DBX2: variants seen among roughly 807,000 people sequenced by gnomAD.
DBX2 encodes homeobox protein DBX2.
Under a neutral mutation model 17.7 loss-of-function variants are expected in DBX2, and 16 were observed. The ratio of observed to expected loss-of-function variants is 0.90; its 90% CI spans 0.61 to 1.37. The LOEUF (loss-of-function observed/expected upper bound fraction) is 1.37, where lower values mean the gene tolerates loss of function less well. DBX2 is among the 40% of genes most tolerant of loss of function. The pLI, the probability that DBX2 is intolerant of heterozygous loss-of-function variation, is 0.00. For missense variants in DBX2, 538 were observed against 433.8 expected, an observed-to-expected ratio of 1.24 and a Z score of -2.13; for synonymous variants, 255 against 183.8, an observed-to-expected ratio of 1.39 and a Z score of -3.13.
chr12:45,017,044 CA>C (rs1215145462), intron 3 of DBX2, among the ~76,000 whole-genome samples: 1 of 152,078 alleles, frequency 6.6e-6, no homozygotes, highest in African/African-American at 2.4e-5. Flanking sequence ...CCTTGGCCCC[CA>C]AAAGTGCTGA....
At position 45,015,812 on chromosome 12, in the gene DBX2, G is replaced by A. The variant is rs1310995314; in HGVS notation, c.*474C>T. The A allele has an allele frequency of 6.6e-6, 1 of 152,174 alleles. No homozygotes were observed. Among genetic ancestry groups the A allele is most frequent in the Non-Finnish European group, 1.5e-5 (1 of 68,088 alleles). 9.4% of individuals were successfully genotyped at this position (152,174 alleles called of 1,614,324 possible). A position where few individuals can be genotyped will look rare whatever the true frequency, so the allele number is the denominator to read the frequency against. On this transcript the variant is annotated 3_prime_UTR_variant, in exon 4 of 4. Coordinates refer to ENST00000332700, the MANE Select transcript of DBX2 (RefSeq NM_001004329.3). ...GAAAATAGAGAATTTTTAAAAACAT[G>A]TTTTTGGGGTATGAAAGTTTGCACT...
intron 3 of DBX2, among the ~76,000 whole-genome samples, chr12:45,022,298 G>GTTTTTTTTTTTTTTTTTTTTTTT (rs745546411): frequency 1.2e-5 from 1 of 82,518 alleles, no homozygotes; most frequent in Non-Finnish European, 2.1e-5. Context: ...AATAATAACT[G>GTTTTTTTTTTTTTTTTTTTTTTT]TTTTTTTTTT....
intron 2 of DBX2, among the ~76,000 whole-genome samples, chr12:45,034,434 A>G (rs1356257414): frequency 6.6e-6 from 1 of 152,226 alleles, no homozygotes; most frequent in Non-Finnish European, 1.5e-5. Context: ...AATTTGCACA[A>G]GAGTTTTCAA....
chr12:45,042,766 A>G (rs1163862150), intron 1 of DBX2, among the ~76,000 whole-genome samples: 1 of 152,194 alleles, frequency 6.6e-6, no homozygotes, highest in Non-Finnish European at 1.5e-5. Context: ...CAGTAACAAC[A>G]TGCTGTAGCA....
intron 3 of DBX2, among the ~76,000 whole-genome samples, chr12:45,022,273 A>G (rs967891640): frequency 1.1e-4 from 17 of 148,240 alleles, no homozygotes; most frequent in Admixed American, 1.0e-3. Flanking sequence ...CCTAGGGTCA[A>G]GGAGAGTTTA....
chr12:45,034,537 T>C (rs1946425054), intron 2 of DBX2, among the ~76,000 whole-genome samples: 1 of 152,220 alleles, frequency 6.6e-6, no homozygotes, highest in Admixed American at 6.5e-5. Flanking sequence ...TCTAGTTAAA[T>C]GGACAATTAA....
chr12:45,049,434 T>A (rs1002196879), intron 1 of DBX2, among the ~76,000 whole-genome samples: 4 of 152,214 alleles, frequency 2.6e-5, no homozygotes, highest in Non-Finnish European at 5.9e-5. Flanking sequence ...ACTAGGTGAA[T>A]GAGACCGGTG....
intron 1 of DBX2, among the ~76,000 whole-genome samples, chr12:45,041,190 AAAT>A (rs1452266201): frequency 2.0e-5 from 3 of 148,446 alleles, no homozygotes; most frequent in Non-Finnish European, 4.5e-5. Context: ...AATAATTAAT[AAAT>A]AATAAATTAA....
chr12:45,035,842 C>T (rs905167613), intron 2 of DBX2, among the ~76,000 whole-genome samples, 177 bp downstream of exon 2: 1 of 152,126 alleles, frequency 6.6e-6, no homozygotes, highest in Non-Finnish European at 1.5e-5. Context: ...CACAATTGCT[C>T]AGTGTGCTGA....
At position 45,050,983 on chromosome 12, in the gene DBX2, G is replaced by GCGCCC. The variant is rs1424088457; in HGVS notation, c.-61_-57dup. ...CGCCTTGCGCCCGCCTGTCGCCCGG[G>GCGCCC]CGCCCCGCACCGCACCCAGAGCCGC... On this transcript the variant is annotated 5_prime_UTR_variant, in exon 1 of 4. Transcript: ENST00000332700. The GCGCCC allele has an allele frequency of 1.0e-5, 14 of 1,349,388 alleles. No homozygotes were observed. The African/African-American group carries it at 2.2e-4, about 21-fold the overall frequency. The allele number at this position is 1,349,388 out of a possible 1,614,324, so 83.6% of individuals were successfully genotyped here. A position where few individuals can be genotyped will look rare whatever the true frequency, so the allele number is the denominator to read the frequency against.
Position 45,050,892 on chromosome 12 carries a change from C to T in DBX2, c.36G>A (p.Ala12=). The change falls in exon 1 of 4, where the codon GCG becomes GCA. Residue 12 remains alanine (A), a synonymous_variant. Transcript: ENST00000332700. ...LPSAVAAHAG[A]YWDVVASSAL... ...CGGAGGAAGCCACAACGTCCCAGTA[C>T]GCACCGGCGTGGGCTGCGACCGCGC... 1 of 1,521,354 alleles carries T rather than the reference C, an allele frequency of 6.6e-7. No homozygotes were observed. Among genetic ancestry groups the T allele is most frequent in the South Asian group, 1.2e-5 (1 of 80,228 alleles). The allele number at this position is 1,521,354 out of a possible 1,614,324, so 94.2% of individuals were successfully genotyped here.
chr12:45,022,859 G>A (rs1946361171), intron 3 of DBX2, among the ~76,000 whole-genome samples: 1 of 152,176 alleles, frequency 6.6e-6, no homozygotes, highest in Non-Finnish European at 1.5e-5. Flanking sequence ...ACTGTACATG[G>A]TATTTTTAGG....
chr12:45,031,055 T>G (rs566783863), intron 2 of DBX2, among the ~76,000 whole-genome samples: 12 of 152,240 alleles, frequency 7.9e-5, no homozygotes, highest in Non-Finnish European at 1.8e-4. Flanking sequence ...GAGTCAATTT[T>G]CCTCAAATGG....
intron 1 of DBX2, among the ~76,000 whole-genome samples, chr12:45,044,088 T>C (rs902628722): frequency 6.9e-6 from 1 of 145,362 alleles, no homozygotes; most frequent in African/African-American, 2.4e-5. Context: ...GGCATACTTC[T>C]ATTATAAAAA....
In DBX2 at chr12:45,039,869, T is replaced by G. The variant is rs115644534; in HGVS notation, c.404-3755A>C. Among the ~76,000 whole-genome samples, 471 of 150,214 alleles carry G rather than the reference T, an allele frequency of 3.1e-3. 1 individual carries two copies. The highest frequency in any genetic ancestry group is 0.011 in the African/African-American group (444 of 40,382). On this transcript the variant is annotated intron_variant, in intron 1 of 3. Coordinates refer to ENST00000332700, the MANE Select transcript of DBX2 (RefSeq NM_001004329.3). The stretch of plus-strand genomic sequence containing the variant: ...GACAACTGACACATCTCCCAAGATT[T>G]CCATGAGAGAGAAAAAAAAAATGGC...
Position 45,024,846 on chromosome 12 carries a change from G to C in DBX2, c.500-952C>G, listed in dbSNP as rs942936838. Among the ~76,000 whole-genome samples, 5 of 152,342 alleles carry C rather than the reference G, an allele frequency of 3.3e-5. No individual in the cohort carries two copies. The East Asian group carries it at 7.7e-4, about 23-fold the overall frequency. ...CAAAAGTCAGAGATGTTTAATCTGAGAAGAGAAGAGAGAACTGAAGGGCTC... is the reference window on the plus strand; with the variant it reads ...CAAAAGTCAGAGATGTTTAATCTGACAAGAGAAGAGAGAACTGAAGGGCTC... On this transcript the variant is annotated intron_variant, in intron 2 of 3. Transcript: ENST00000332700.
chr12:45,024,283 T>A (rs1005930200), intron 2 of DBX2, among the ~76,000 whole-genome samples: 1 of 152,218 alleles, frequency 6.6e-6, no homozygotes, highest in Non-Finnish European at 1.5e-5. Flanking sequence ...TCTCCCACGA[T>A]TGTCAGTTTC....
At chr12:45,050,482 G>GGGGCGC in intron 1 of DBX2, 43 bp downstream of exon 1, 2 of 1,542,500 alleles carry the variant, frequency 1.3e-6, no homozygotes, top group Non-Finnish European at 1.7e-6. Context: ...ACCCGGCCTG[G>GGGGCGC]GGGCGCGGGC....
chr12:45,050,849 C>T lies in DBX2; in HGVS notation c.79G>A (p.Ala27Thr), dbSNP rs773264934. ...VASSALLNLP[A>T]APGFGNLGKS... ...CCCAGGTTGCCAAAGCCGGGCGCAGCGGGGAGGTTGAGGAGCGCGGAGGAA... is the reference window on the plus strand; with the variant it reads ...CCCAGGTTGCCAAAGCCGGGCGCAGTGGGGAGGTTGAGGAGCGCGGAGGAA... The change falls in exon 1 of 4, where the codon GCT becomes ACT. Residue 27 changes from alanine (A) to threonine (T), a missense_variant. Ala to Thr is a moderately conservative substitution (Grantham distance 58, BLOSUM62 0). Coordinates refer to ENST00000332700, the MANE Select transcript of DBX2 (RefSeq NM_001004329.3). The T allele has an allele frequency of 1.3e-6, 2 of 1,538,304 alleles. No individual in the cohort carries two copies. Among genetic ancestry groups the T allele is most frequent in the Non-Finnish European group, 8.7e-7 (1 of 1,145,434 alleles).
Sources: allele counts gnomAD v4.1 joint callset (sites outside exome capture counted in the v4.1 genomes callset), GRCh38; gene constraint gnomAD v4.1.1; transcripts MANE v1.5; gene names NCBI Gene and HGNC (gene_info 2026-07-23, HGNC 2026-07-21).